NEK11: variants seen among roughly 807,000 people sequenced by gnomAD.
The protein encoded by NEK11 is serine/threonine-protein kinase Nek11.
Under a neutral mutation model 80.7 loss-of-function variants are expected in NEK11, and 72 were observed. The ratio of observed to expected loss-of-function variants is 0.89; its 90% CI spans 0.74 to 1.08. NEK11 has a LOEUF of 1.08. NEK11 is among the 50% of genes least tolerant of loss of function. The probability of loss-of-function intolerance (pLI) is 0.00; values close to 1 mark genes in which losing one functional copy is unlikely to be tolerated. For missense variants in NEK11, 764 were observed against 763.6 expected, an observed-to-expected ratio of 1.00 and a Z score of -0.01; for synonymous variants, 251 against 260.7, an observed-to-expected ratio of 0.96 and a Z score of 0.36.
At chr3:131,238,779 G>A (rs1436609892) in intron 15 of NEK11, among the ~76,000 whole-genome samples, 2 of 152,064 alleles carry the variant, frequency 1.3e-5, no homozygotes, top group Non-Finnish European at 2.9e-5. Flanking sequence ...ATCATAGTGA[G>A]CAAAAAGATC....
At chr3:131,181,218 CAG>C (rs1491410017) in intron 14 of NEK11, among the ~76,000 whole-genome samples, 3 of 152,100 alleles carry the variant, frequency 2.0e-5, no homozygotes, top group Non-Finnish European at 4.4e-5. Context: ...GGGAGGCAGA[CAG>C]GGGAGAACCA....
intron 14 of NEK11, among the ~76,000 whole-genome samples, chr3:131,179,837 A>G (rs112332277): frequency 2.3e-4 from 35 of 152,330 alleles, no homozygotes; most frequent in African/African-American, 6.0e-4. Context: ...GATATATAAT[A>G]TAATGATTCA....
intron 4 of NEK11, among the ~76,000 whole-genome samples, chr3:131,084,416 G>T (rs2075711534): frequency 6.6e-6 from 1 of 152,122 alleles, no homozygotes; most frequent in Non-Finnish European, 1.5e-5. Context: ...CCTTCTACCT[G>T]TTGTATATGT....
chr3:131,219,263 A>C (rs922343891), intron 14 of NEK11, among the ~76,000 whole-genome samples: 1 of 152,214 alleles, frequency 6.6e-6, no homozygotes, highest in African/African-American at 2.4e-5. Context: ...TGAAGCTAGA[A>C]ACCATCATTC....
At chr3:131,253,579 T>TAA (rs764214492) in intron 16 of NEK11, among the ~76,000 whole-genome samples, 54 of 152,192 alleles carry the variant, frequency 3.5e-4, no homozygotes, top group Non-Finnish European at 5.0e-4. Context: ...AAAGTTTGCA[T>TAA]TATAAGCCAA....
intron 5 of NEK11, among the ~76,000 whole-genome samples, chr3:131,131,469 G>T (rs186050441): frequency 6.6e-6 from 1 of 152,072 alleles, no homozygotes; most frequent in Admixed American, 6.6e-5. Flanking sequence ...TGAAGGAATT[G>T]GTTCTTTTAA....
chr3:131,335,367 C>T (rs2097163499), intron 17 of NEK11, among the ~76,000 whole-genome samples: 1 of 152,124 alleles, frequency 6.6e-6, no homozygotes, highest in Non-Finnish European at 1.5e-5. Flanking sequence ...AAGACAAAAA[C>T]CACATGATTA....
At chr3:131,077,505 G>T (rs1347805419) in intron 3 of NEK11, among the ~76,000 whole-genome samples, 3 of 152,148 alleles carry the variant, frequency 2.0e-5, no homozygotes, top group African/African-American at 7.2e-5. Flanking sequence ...GCCAGACGGG[G>T]CTCAGGTATT....
chr3:131,310,544 T>C (rs187806706), intron 17 of NEK11, among the ~76,000 whole-genome samples: 4 of 150,548 alleles, frequency 2.7e-5, no homozygotes, highest in Admixed American at 2.6e-4. Flanking sequence ...AAAAATCCCT[T>C]GCATCTCAAT....
intron 15 of NEK11, among the ~76,000 whole-genome samples, chr3:131,238,593 A>G (rs992591430): frequency 6.6e-6 from 1 of 152,058 alleles, no homozygotes; most frequent in African/African-American, 2.4e-5. Flanking sequence ...AGTCAAGGAG[A>G]ATTTCTAGAG....
chr3:131,171,091 G>A (rs1309065144), intron 14 of NEK11, among the ~76,000 whole-genome samples: 1 of 152,190 alleles, frequency 6.6e-6, no homozygotes, highest in Non-Finnish European at 1.5e-5. Flanking sequence ...CTTTGCAATA[G>A]TGAGGATGAG....
intron 3 of NEK11, among the ~76,000 whole-genome samples, chr3:131,073,068 A>G (rs899279694): frequency 4.6e-5 from 7 of 152,172 alleles, no homozygotes; most frequent in Non-Finnish European, 7.3e-5. Context: ...CTCTAGGGAA[A>G]TGCAGGACAT....
chr3:131,250,628 C>A (rs1246445573), intron 16 of NEK11, among the ~76,000 whole-genome samples: 1 of 151,908 alleles, frequency 6.6e-6, no homozygotes, highest in East Asian at 1.9e-4. Context: ...AAGGGGATTC[C>A]CAGAATGAGA....
chr3:131,181,685 G>T (rs1377807525), intron 14 of NEK11, among the ~76,000 whole-genome samples: 1 of 141,942 alleles, frequency 7.0e-6, no homozygotes, highest in Non-Finnish European at 1.5e-5. Context: ...GGCAGAACTT[G>T]CAGTGAGCTG....
chr3:131,172,246 A>G (rs886434956), intron 14 of NEK11, among the ~76,000 whole-genome samples: 2 of 152,246 alleles, frequency 1.3e-5, no homozygotes, highest in African/African-American at 4.8e-5. Flanking sequence ...ATCCTGGGCC[A>G]GTTGCACTCT....
At chr3:131,206,737 G>A (rs1156916160) in intron 14 of NEK11, among the ~76,000 whole-genome samples, 2 of 152,290 alleles carry the variant, frequency 1.3e-5, no homozygotes, top group Non-Finnish European at 1.5e-5. Context: ...TGTTACATAT[G>A]TATACATGTG....
At chr3:131,208,349 C>A (rs2094505901) in intron 14 of NEK11, among the ~76,000 whole-genome samples, 1 of 152,178 alleles carries the variant, frequency 6.6e-6, no homozygotes, top group African/African-American at 2.4e-5. Flanking sequence ...CAGTACCATG[C>A]TGTTTTGGTT....
chr3:131,317,928 T>C (rs2096860947), intron 17 of NEK11, among the ~76,000 whole-genome samples: 1 of 148,716 alleles, frequency 6.7e-6, no homozygotes, highest in African/African-American at 2.5e-5. Context: ...AAACTGTCCG[T>C]CCTCCTCAGT....
chr3:131,215,343 A>T (rs1553941383), intron 14 of NEK11, among the ~76,000 whole-genome samples: 1 of 152,076 alleles, frequency 6.6e-6, no homozygotes, highest in Non-Finnish European at 1.5e-5. Context: ...TAATGGGTGC[A>T]GCACACCAAC....
Sources: gnomAD v4.1 joint callset for allele counts (sites outside exome capture counted in the v4.1 genomes callset) on GRCh38, gnomAD v4.1.1 for gene constraint, MANE v1.5 for transcripts, NCBI Gene and HGNC (gene_info 2026-07-23, HGNC 2026-07-21) for gene names.